Variants in COG8 observed in about 807,000 individuals in gnomAD.
COG8 encodes component of oligomeric golgi complex 8.
A neutral mutation model predicts 46.5 loss-of-function variants in COG8; 45 were observed. That is an observed-to-expected ratio of 0.97 (90% CI 0.76 to 1.24). The LOEUF (loss-of-function observed/expected upper bound fraction) is 1.24, where lower values mean the gene tolerates loss of function less well. Among genes scored for constraint, COG8 ranks in the 50% most tolerant of loss-of-function variants. COG8 has a pLI of 0.00. For synonymous variants in COG8, 407 were observed against 347.8 expected, an observed-to-expected ratio of 1.17 and a Z score of -1.90; for missense variants, 793 against 820.8, an observed-to-expected ratio of 0.97 and a Z score of 0.41.
At chr16:69,333,956 A>G (rs981630941) in intron 3 of COG8, among the ~76,000 whole-genome samples, 1 of 152,244 alleles carries the variant, frequency 6.6e-6, no homozygotes, top group Non-Finnish European at 1.5e-5. Flanking sequence ...ACCTAAAAGA[A>G]GAGACTCAAG....
In COG8 at chr16:69,331,850, T is replaced by C. The variant is rs115610180; in HGVS notation, c.1583-755A>G. 3.0e-3 allele frequency among the ~76,000 whole-genome samples: 463 copies of C among 152,176 alleles called. 4 individuals carry two copies. The highest frequency in any genetic ancestry group is 0.02 in the East Asian group (105 of 5,160). Reference sequence around the variant, plus strand: ...CAAAAACCACCTTTGTTACAGGGAATGGGAAGCTATACTGTGAAGCAGAAC... The same window carrying C: ...CAAAAACCACCTTTGTTACAGGGAACGGGAAGCTATACTGTGAAGCAGAAC... On this transcript the variant is annotated intron_variant, in intron 4 of 5. Coordinates refer to ENST00000306875, the MANE Select transcript of COG8 (RefSeq NM_032382.5).
chr16:69,336,314 G>A (rs1425001354), intron 2 of COG8, among the ~76,000 whole-genome samples, 191 bp downstream of exon 2: 3 of 152,156 alleles, frequency 2.0e-5, no homozygotes, highest in African/African-American at 4.8e-5. Flanking sequence ...TGTATCCCCA[G>A]CATATAGAGC....
chr16:69,334,188 G>A (rs993140875), intron 3 of COG8, among the ~76,000 whole-genome samples: 3 of 152,180 alleles, frequency 2.0e-5, no homozygotes, highest in Non-Finnish European at 4.4e-5. Flanking sequence ...GAGAGGACCC[G>A]GTTGTGCTGT....
In COG8 at chr16:69,339,272, G is replaced by C; in HGVS notation, c.281C>G (p.Ala94Gly). 6.2e-7 allele frequency: 1 copy of C among 1,612,570 alleles called. No individual in the cohort carries two copies. The highest frequency in any genetic ancestry group is 8.5e-7 in the Non-Finnish European group (1 of 1,179,752). The change falls in exon 1 of 6, where the codon GCC (alanine) becomes GGC (glycine). Residue 94 changes from alanine to glycine, a missense_variant. By Grantham distance (60) the Ala-to-Gly change is moderately conservative. Transcript: ENST00000306875. ...FANYKTFIRG[A>G]ECTERIHRLF... ...GCGGTGGATGCGCTCGGTGCACTCG[G>C]CGCCGCGGATGAAGGTCTTGTAGTT... is the stretch of plus-strand genomic sequence containing the variant.
chr16:69,336,515 G>A lies in COG8; in HGVS notation c.575C>T (p.Pro192Leu). The A allele has an allele frequency of 6.2e-7, 1 of 1,614,100 alleles. No homozygotes were observed. Among genetic ancestry groups the A allele is most frequent in the Non-Finnish European group, 8.5e-7 (1 of 1,180,008 alleles). ...GGGCAAGGTGGCTACCTGGATGACA[G>A]GGATGGAAGAGTATTTCCTCTCCAG... is the stretch of plus-strand genomic sequence containing the variant. ...RRLERKYSSI[P>L]VIQGIVNEVR... The change falls in exon 2 of 6, where the codon CCT becomes CTT. Residue 192 changes from proline (P) to leucine (L), a missense_variant. Coordinates refer to ENST00000306875, the MANE Select transcript of COG8 (RefSeq NM_032382.5).
rs1965695103 is a variant in COG8, at chr16:69,329,096, G to A, written c.*110C>T. On this transcript the variant is annotated 3_prime_UTR_variant, in exon 6 of 6. Transcript: ENST00000306875. ...ATTTTGTCAATAAACAGGCAGCCCT[G>A]CAGGTGGTCCATCTCGTGCTGGATG... 11 of 1,611,848 alleles carry A rather than the reference G, an allele frequency of 6.8e-6. No homozygotes were observed. Among genetic ancestry groups the A allele is most frequent in the Non-Finnish European group, 9.3e-6 (11 of 1,179,594 alleles).
chr16:69,332,944 T>A, intron 3 of COG8, 62 bp from the exon 4 acceptor site: 1 of 1,550,734 alleles, frequency 6.4e-7, no homozygotes, highest in East Asian at 2.2e-5. Context: ...CAGCAGTGCA[T>A]GAAACTAGGC....
chr16:69,331,855 A>C (rs1230295613), intron 4 of COG8, among the ~76,000 whole-genome samples: 1 of 152,162 alleles, frequency 6.6e-6, no homozygotes, highest in African/African-American at 2.4e-5. Context: ...GGGAATGGGA[A>C]GCTATACTGT....
intron 4 of COG8, among the ~76,000 whole-genome samples, chr16:69,331,469 A>AT (rs2011833553): frequency 6.7e-6 from 1 of 149,296 alleles, no homozygotes; most frequent in Non-Finnish European, 1.5e-5. Flanking sequence ...AAAAAAAAAA[A>AT]AAAAAAAAGG....
rs774046470 is a variant in COG8 at position 69,330,885 on chromosome 16, C to T, written c.1793G>A (p.Gly598Glu). 2.6e-6 allele frequency: 4 copies of T among 1,548,544 alleles called. No individual in the cohort carries two copies. The South Asian group carries it at 3.6e-5, about 14-fold the overall frequency. The change falls in exon 5 of 6, where the codon GGA becomes GAA. Residue 598 changes from glycine to glutamate, a missense_variant. Transcript: ENST00000306875. ...TTCGGCCTGCGTCTCCGCTCGCCCT[C>T]CCTCCGGGCAGGCTGGGCCCGCGGG... Reference protein sequence around the residue: ...LEPAGPACPEGGRAETQAEPP... With the variant: ...LEPAGPACPEEGRAETQAEPP...
chr16:69,336,227 A>G (rs1465814314), intron 2 of COG8, among the ~76,000 whole-genome samples: 9 of 152,122 alleles, frequency 5.9e-5, no homozygotes, highest in Non-Finnish European at 7.4e-5. Context: ...ATCTGAAATG[A>G]TATCATTTCT....
chr16:69,332,409 G>GT (rs1056847700), intron 4 of COG8, among the ~76,000 whole-genome samples: 1 of 152,008 alleles, frequency 6.6e-6, no homozygotes, highest in African/African-American at 2.4e-5. Context: ...GGAATCATAC[G>GT]TATGTAGTTC....
chr16:69,336,577 A>C lies in COG8; in HGVS notation c.513T>G (p.Tyr171Ter), dbSNP rs773250434. 6.2e-7 allele frequency: 1 copy of C among 1,614,174 alleles called. No homozygotes were observed. Among genetic ancestry groups the C allele is most frequent in the Non-Finnish European group, 8.5e-7 (1 of 1,180,022 alleles). ...LMDTCVRNSY[Y>*]EEALELAAYV... is the part of the protein sequence containing the mutation. ...AGGCTGCAAGCTCCAGGGCCTCTTCATAATAACTGTTCCGGACACAGGTGT... is the reference window on the plus strand; with the variant it reads ...AGGCTGCAAGCTCCAGGGCCTCTTCCTAATAACTGTTCCGGACACAGGTGT... Residue 171 changes from tyrosine to a stop codon, truncating the protein, a stop_gained, in exon 2 of 6, where the codon TAT becomes TAG. Coordinates refer to ENST00000306875, the MANE Select transcript of COG8 (RefSeq NM_032382.5). LOFTEE classifies it high-confidence loss of function.
In COG8 at chr16:69,327,139, C is replaced by G. The variant is rs1269562433; in HGVS notation, c.*2067G>C. ...CATTGGCTGCATCTCTGACCTTGCA[C>G]CAGTATCTGGTTGGGATTCCCTTTT... is the stretch of plus-strand genomic sequence containing the variant. On this transcript the variant is annotated 3_prime_UTR_variant, in exon 6 of 6. Transcript: ENST00000306875. 1 of 150,700 alleles carries G rather than the reference C, an allele frequency of 6.6e-6. No homozygotes were observed. Among genetic ancestry groups the G allele is most frequent in the African/African-American group, 2.4e-5 (1 of 40,862 alleles). The allele number at this position is 150,700 out of a possible 1,614,324, so 9.3% of individuals were successfully genotyped here. A position where few individuals can be genotyped will look rare whatever the true frequency, so the allele number is the denominator to read the frequency against.
At chr16:69,333,166 GTTT>G (rs554776759) in intron 3 of COG8, among the ~76,000 whole-genome samples, 5 of 130,854 alleles carry the variant, frequency 3.8e-5, no homozygotes, top group Non-Finnish European at 1.7e-5. Flanking sequence ...CATGGTTTTG[GTTT>G]TTTTTTTTTT....
chr16:69,330,265 C>G (rs1433683992), intron 5 of COG8: 2 of 1,436,882 alleles, frequency 1.4e-6, no homozygotes, highest in East Asian at 3.0e-5. Context: ...GCCGCCGCAT[C>G]ACCTGGACCA....
chr16:69,330,557 C>A (rs1172236439), intron 5 of COG8: 13 of 1,467,308 alleles, frequency 8.9e-6, no homozygotes, highest in Non-Finnish European at 4.5e-6. Context: ...CAGCGCGCCC[C>A]ACAGCCGGGC....
In COG8 at chr16:69,334,984, C is replaced by A. The variant is rs1482954634; in HGVS notation, c.950G>T (p.Gly317Val). 6.2e-7 allele frequency: 1 copy of A among 1,614,162 alleles called. No homozygotes were observed. Among genetic ancestry groups the A allele is most frequent in the East Asian group, 2.2e-5 (1 of 44,888 alleles). The change falls in exon 3 of 6, where the codon GGC becomes GTC. Residue 317 changes from glycine to valine, a missense_variant. Transcript: ENST00000306875. ...TTGTGAGACCTTCTGTAGCACCCAGCCATGGAAGATGGCACTCTCATTCAC... is the reference window on the plus strand; with the variant it reads ...TTGTGAGACCTTCTGTAGCACCCAGACATGGAAGATGGCACTCTCATTCAC... ...HTVNESAIFH[G>V]WVLQKVSQFL... is the part of the protein sequence containing the mutation.
At chr16:69,331,302 A>G (rs1331765222) in intron 4 of COG8, among the ~76,000 whole-genome samples, 2 of 151,300 alleles carry the variant, frequency 1.3e-5, no homozygotes, top group East Asian at 2.0e-4. Context: ...AAAATACAAC[A>G]TTAGCCGGGC....
Sources: gnomAD v4.1 joint callset for allele counts (sites outside exome capture counted in the v4.1 genomes callset) on GRCh38, gnomAD v4.1.1 for gene constraint, MANE v1.5 for transcripts, NCBI Gene and HGNC (gene_info 2026-07-23, HGNC 2026-07-21) for gene names.